Variants in GAS2 observed in about 807,000 individuals in gnomAD.
GAS2 encodes growth arrest-specific protein 2.
Under a neutral mutation model 37.5 loss-of-function variants are expected in GAS2, and 20 were observed. That is an observed-to-expected ratio of 0.53 (90% confidence interval 0.37 to 0.77). The LOEUF (loss-of-function observed/expected upper bound fraction) is 0.77. GAS2 is among the 30% of genes least tolerant of loss of function. GAS2 has a pLI of 0.00. For missense variants in GAS2, 336 were observed against 373.4 expected, an observed-to-expected ratio of 0.90 and a Z score of 0.82; for synonymous variants, 144 against 132.2, an observed-to-expected ratio of 1.09 and a Z score of -0.61.
In GAS2 at chr11:22,745,118, CAAAAAA is replaced by C. The variant is rs142582542; in HGVS notation, c.474-3992_474-3987del. ...AAGTATTCTAAAATTCATTTGGAACCAAAAAAAAAAAAAAAGAAAGAAAAAAGCCCA... is the reference window on the plus strand; with the variant it reads ...AAGTATTCTAAAATTCATTTGGAACCAAAAAAAAAGAAAGAAAAAAGCCCA... On this transcript the variant is annotated intron_variant, in intron 5 of 7. Transcript: ENST00000454584. Among the ~76,000 whole-genome samples the C allele has an allele frequency of 1.2e-4, 16 of 129,018 alleles. 1 individual carries two copies. The South Asian group carries it at 3.9e-3, about 31-fold the overall frequency. 84.6% of individuals were successfully genotyped at this position (129,018 alleles called of 152,430 possible).
At chr11:22,793,664 T>A (rs567834880) in intron 7 of GAS2, among the ~76,000 whole-genome samples, 3 of 152,144 alleles carry the variant, frequency 2.0e-5, no homozygotes, top group African/African-American at 7.2e-5. Flanking sequence ...AGAAGTATGT[T>A]ATAGAAAGGG....
At chr11:22,722,411 A>G (rs1851992878) in intron 3 of GAS2, among the ~76,000 whole-genome samples, 1 of 151,814 alleles carries the variant, frequency 6.6e-6, no homozygotes, top group South Asian at 2.1e-4. Flanking sequence ...CACAATCCCA[A>G]TAGCTTATTG....
intron 3 of GAS2, among the ~76,000 whole-genome samples, chr11:22,688,723 G>T (rs1850089945): frequency 6.6e-6 from 1 of 152,068 alleles, no homozygotes; most frequent in African/African-American, 2.4e-5. Context: ...TGAATATAAA[G>T]CTAAATTTTT....
chr11:22,784,806 A>T (rs1855746899), intron 7 of GAS2, among the ~76,000 whole-genome samples: 1 of 151,950 alleles, frequency 6.6e-6, no homozygotes, highest in Non-Finnish European at 1.5e-5. Context: ...ATTCACTTTC[A>T]TTTCTGAGAC....
At chr11:22,645,840 CTTTTCT>C (rs1223270729) in intron 1 of GAS2, among the ~76,000 whole-genome samples, 57 of 95,536 alleles carry the variant, frequency 6.0e-4, no homozygotes, top group African/African-American at 1.9e-3. Flanking sequence ...TTTTTCTTTT[CTTTTCT>C]TTTTTTTTTT....
At chr11:22,651,218 C>A (rs1848771341) in intron 1 of GAS2, among the ~76,000 whole-genome samples, 4 of 152,214 alleles carry the variant, frequency 2.6e-5, no homozygotes, top group African/African-American at 9.6e-5. Flanking sequence ...GTTGAAAATT[C>A]TTTTCTTTAA....
At chr11:22,690,504 G>A (rs1850191070) in intron 3 of GAS2, among the ~76,000 whole-genome samples, 1 of 152,184 alleles carries the variant, frequency 6.6e-6, no homozygotes, top group African/African-American at 2.4e-5. Context: ...GACTAGGGCA[G>A]TAGATGGGTG....
intron 3 of GAS2, among the ~76,000 whole-genome samples, chr11:22,713,064 C>CAAAAAAAAAAAAAAAA (rs61240215): frequency 8.9e-6 from 1 of 112,060 alleles, no homozygotes; most frequent in African/African-American, 3.4e-5. Context: ...GAGACTGTGT[C>CAAAAAAAAAAAAAAAA]AAAAAAAAAA....
intron 1 of GAS2, among the ~76,000 whole-genome samples, chr11:22,652,399 G>A (rs1309034039): frequency 6.6e-6 from 1 of 152,214 alleles, no homozygotes; most frequent in East Asian, 1.9e-4. Flanking sequence ...GCCCCCAGAG[G>A]TGGAGCCTAC....
At chr11:22,790,590 A>ATTT (rs58284244) in intron 7 of GAS2, among the ~76,000 whole-genome samples, 2,013 of 111,752 alleles carry the variant, frequency 0.018, 29 homozygotes, top group Admixed American at 0.063. Flanking sequence ...CTTCTTCTCT[A>ATTT]TTTTTTTTTT....
At chr11:22,672,425 G>T (rs1849241152) in intron 1 of GAS2, among the ~76,000 whole-genome samples, 1 of 152,100 alleles carries the variant, frequency 6.6e-6, no homozygotes, top group African/African-American at 2.4e-5. Context: ...TGTCCTTCTG[G>T]CTCATTGAAA....
intron 7 of GAS2, among the ~76,000 whole-genome samples, chr11:22,771,304 G>A (rs538538486): frequency 3.8e-4 from 58 of 152,200 alleles, no homozygotes; most frequent in African/African-American, 1.4e-3. Flanking sequence ...TTTAGCTTCT[G>A]TATGCAATAT....
Position 22,719,806 on chromosome 11 carries a change from T to C in GAS2, c.268-6486T>C, listed in dbSNP as rs575748317. Among the ~76,000 whole-genome samples the C allele has an allele frequency of 2.6e-5, 4 of 152,226 alleles. No individual in the cohort carries two copies. The South Asian group carries it at 8.3e-4, about 32-fold the overall frequency. On this transcript the variant is annotated intron_variant, in intron 3 of 7. Coordinates refer to ENST00000454584, the MANE Select transcript of GAS2 (RefSeq NM_001143830.3). ...TCATGACTTGATAGCTCTTTATTTTTAGCACCGAATAATCCATTGTCTGAC... is the reference window on the plus strand; with the variant it reads ...TCATGACTTGATAGCTCTTTATTTTCAGCACCGAATAATCCATTGTCTGAC...
chr11:22,667,254 A>G (rs552950282), intron 1 of GAS2: 1 of 152,306 alleles, frequency 6.6e-6, no homozygotes, highest in East Asian at 1.9e-4. Flanking sequence ...TAATGAACAC[A>G]TCGATTATAA....
chr11:22,763,616 T>TACACACACACACAC (rs34715661), intron 7 of GAS2, among the ~76,000 whole-genome samples: 2 of 143,792 alleles, frequency 1.4e-5, no homozygotes, highest in East Asian at 4.1e-4. Flanking sequence ...AAAATACACA[T>TACACACACACACAC]ACACACACAC....
At chr11:22,737,572 G>T in intron 4 of GAS2, 133 bp from the exon 5 acceptor site, 2 of 803,644 alleles carry the variant, frequency 2.5e-6, no homozygotes, top group South Asian at 3.0e-5. Context: ...TATGGGATGG[G>T]TTCTATGACT....
chr11:22,803,063 G>A (rs1406914609), intron 7 of GAS2, among the ~76,000 whole-genome samples: 1 of 152,118 alleles, frequency 6.6e-6, no homozygotes, highest in Non-Finnish European at 1.5e-5. Flanking sequence ...TTCTCAGAAT[G>A]TGTTCTCATT....
chr11:22,806,919 C>T (rs1461970128), intron 7 of GAS2, among the ~76,000 whole-genome samples: 1 of 152,146 alleles, frequency 6.6e-6, no homozygotes, highest in African/African-American at 2.4e-5. Flanking sequence ...AATTACTCCT[C>T]ATCAATATGA....
At chr11:22,801,029 G>A (rs1301142748) in intron 7 of GAS2, among the ~76,000 whole-genome samples, 1 of 151,928 alleles carries the variant, frequency 6.6e-6, no homozygotes, top group East Asian at 1.9e-4. Flanking sequence ...CTACATGAAT[G>A]TAGACTTTAC....
Sources: gnomAD v4.1 joint callset for allele counts (sites outside exome capture counted in the v4.1 genomes callset) on GRCh38, gnomAD v4.1.1 for gene constraint, MANE v1.5 for transcripts, NCBI Gene and HGNC (gene_info 2026-07-23, HGNC 2026-07-21) for gene names.